The following RASEF variants were observed in gnomAD, a reference collection of about 807,000 sequenced individuals.
RASEF encodes RAS and EF-hand domain containing, also known as ras and EF-hand domain-containing protein.
In RASEF, 68 loss-of-function variants were observed where a neutral mutation model predicts 90.1. The ratio of observed to expected loss-of-function variants is 0.75; its 90% CI spans 0.62 to 0.92. The LOEUF (loss-of-function observed/expected upper bound fraction) is 0.92. RASEF is among the 40% of genes least tolerant of loss of function. The probability of loss-of-function intolerance (pLI) is 0.00; values close to 1 mark genes in which losing one functional copy is unlikely to be tolerated. For synonymous variants in RASEF, 331 were observed against 345.2 expected, an observed-to-expected ratio of 0.96 and a Z score of 0.46; for missense variants, 949 against 937.2, an observed-to-expected ratio of 1.01 and a Z score of -0.16.
At chr9:83,047,289 CGAAAAA>C (rs1474555200) in intron 1 of RASEF, among the ~76,000 whole-genome samples, 3 of 151,922 alleles carry the variant, frequency 2.0e-5, no homozygotes, top group African/African-American at 4.8e-5. Context: ...AAAGAAAAAA[CGAAAAA>C]GAAAAAGAGG....
chr9:82,998,323 T>C (rs761756890), intron 13 of RASEF, 42 bp downstream of exon 13: 5 of 1,324,320 alleles, frequency 3.8e-6, no homozygotes, highest in Non-Finnish European at 5.4e-6. Context: ...GGCTTGTTAA[T>C]GCAAACCCAG....
the RASEF span, among the ~76,000 whole-genome samples, chr9:83,191,020 T>C: frequency 6.6e-6 from 1 of 152,134 alleles, no homozygotes; most frequent in Non-Finnish European, 1.5e-5. Flanking sequence ...TTATTTTCTG[T>C]CTCCACATCT....
At chr9:83,134,408 GCGCACACACACACA>G in the RASEF span, among the ~76,000 whole-genome samples, 18 of 135,920 alleles carry the variant, frequency 1.3e-4, no homozygotes, top group Middle Eastern at 3.5e-3. Context: ...GATCACAATA[GCGCACACACACACA>G]CACACACACA....
chr9:83,184,730 G>T, the RASEF span, among the ~76,000 whole-genome samples: 2 of 152,192 alleles, frequency 1.3e-5, no homozygotes, highest in Non-Finnish European at 2.9e-5. Flanking sequence ...ACATGTATTT[G>T]ACATCTCTGC....
chr9:83,028,876 T>C lies in RASEF; in HGVS notation c.432-2955A>G, dbSNP rs549172562. Among the ~76,000 whole-genome samples the C allele has an allele frequency of 4.6e-5, 7 of 152,170 alleles. No homozygotes were observed. The South Asian group carries it at 8.3e-4, about 18-fold the overall frequency. On this transcript the variant is annotated intron_variant, in intron 1 of 16. Coordinates refer to ENST00000376447, the MANE Select transcript of RASEF (RefSeq NM_152573.4). ...CATTAGAATAGCTCCTAATCCAATC[T>C]TACTGGTCACCTTATAAAAAGAGAT...
rs148666621 is a variant in RASEF at position 83,015,861 on chromosome 9, G to A, written c.709C>T (p.Arg237Cys). Residue 237 changes from arginine (R) to cysteine (C), a missense_variant, in exon 4 of 17, where the codon CGT (arginine) becomes TGT (cysteine). Arg to Cys is a radical substitution (Grantham distance 180). This residue lies in a region of RASEF where 656 missense variants were observed against 592.2 expected (regional missense o/e 1.11). Transcript: ENST00000376447. ...KAEEALSDLR[R>C]QYETEVGDLQ... ...TCTCCTACTTCAGTTTCATACTGAC[G>A]TCTGAGGTCACTGAGGGCTTCCTCA... 48 of 1,613,698 alleles carry A rather than the reference G, an allele frequency of 3.0e-5. No individual in the cohort carries two copies. The highest frequency in any genetic ancestry group is 9.4e-5 in the African/African-American group (7 of 74,848).
the RASEF span, among the ~76,000 whole-genome samples, chr9:83,191,466 T>C: frequency 1.3e-5 from 2 of 152,184 alleles, no homozygotes; most frequent in African/African-American, 4.8e-5. Flanking sequence ...TACCAGGCAA[T>C]GAAAAGGAGA....
the RASEF span, among the ~76,000 whole-genome samples, chr9:83,117,399 C>T: frequency 1.3e-5 from 2 of 152,164 alleles, no homozygotes; most frequent in African/African-American, 4.8e-5. Flanking sequence ...TAGAAGCTGA[C>T]TCAAATTAGA....
At chr9:83,209,546 G>T in the RASEF span, among the ~76,000 whole-genome samples, 2 of 152,260 alleles carry the variant, frequency 1.3e-5, no homozygotes, top group Non-Finnish European at 2.9e-5. Flanking sequence ...GACCCCTGGG[G>T]TGGAGCGAGT....
chr9:83,183,330 T>C, the RASEF span, among the ~76,000 whole-genome samples: 405 of 152,168 alleles, frequency 2.7e-3, 3 homozygotes, highest in African/African-American at 9.1e-3. Flanking sequence ...ACATACTCTG[T>C]ATATGGCCAA....
At chr9:83,187,795 G>A in the RASEF span, among the ~76,000 whole-genome samples, 4 of 151,938 alleles carry the variant, frequency 2.6e-5, no homozygotes, top group African/African-American at 9.7e-5. Flanking sequence ...TCTTCAAAAT[G>A]TGGCACCAAT....
the RASEF span, among the ~76,000 whole-genome samples, chr9:83,111,456 T>C: frequency 1.3e-5 from 2 of 152,142 alleles, no homozygotes; most frequent in Non-Finnish European, 2.9e-5. Context: ...AATAATAATA[T>C]ACTGTACACC....
chr9:83,150,913 T>C, the RASEF span, among the ~76,000 whole-genome samples: 2 of 152,214 alleles, frequency 1.3e-5, no homozygotes, highest in Non-Finnish European at 2.9e-5. Flanking sequence ...TAACTCTCCG[T>C]ATGAATGTAT....
chr9:83,162,486 G>A, the RASEF span, among the ~76,000 whole-genome samples: 204 of 152,140 alleles, frequency 1.3e-3, 2 homozygotes, highest in African/African-American at 2.7e-3. Context: ...TTGGGAAATC[G>A]TTTTTGAATG....
At chr9:83,107,372 A>C in the RASEF span, among the ~76,000 whole-genome samples, 1 of 152,200 alleles carries the variant, frequency 6.6e-6, no homozygotes, top group Non-Finnish European at 1.5e-5. Context: ...GAATCTATGA[A>C]TCTTTCCCAC....
At chr9:83,128,169 T>G in the RASEF span, among the ~76,000 whole-genome samples, 5 of 152,086 alleles carry the variant, frequency 3.3e-5, no homozygotes, top group African/African-American at 4.8e-5. Context: ...ATAATAATGA[T>G]GGCTTCAATA....
intron 1 of RASEF, among the ~76,000 whole-genome samples, chr9:83,046,329 T>C (rs1829929270): frequency 6.6e-6 from 1 of 152,200 alleles, no homozygotes; most frequent in Non-Finnish European, 1.5e-5. Flanking sequence ...TTACTGCTTA[T>C]TTGAGTATTC....
chr9:83,086,132 G>A, the RASEF span, among the ~76,000 whole-genome samples: 1 of 152,116 alleles, frequency 6.6e-6, no homozygotes, highest in Non-Finnish European at 1.5e-5. Context: ...TCACCTAGTG[G>A]TGTACAAAAT....
chr9:83,048,809 C>A (rs1829980833), intron 1 of RASEF: 2 of 951,946 alleles, frequency 2.1e-6, no homozygotes, highest in Admixed American at 6.2e-5. Flanking sequence ...ATTTCTCATA[C>A]TTGATTAACA....
Sources: allele counts gnomAD v4.1 joint callset (sites outside exome capture counted in the v4.1 genomes callset), GRCh38; gene constraint gnomAD v4.1.1; regional missense constraint gnomAD v4.1.1; transcripts MANE v1.5; gene names NCBI Gene and HGNC (gene_info 2026-07-23, HGNC 2026-07-21).